LPP: variants seen among roughly 807,000 people sequenced by gnomAD.
LPP encodes the protein lipoma-preferred partner.
A neutral mutation model predicts 60.4 loss-of-function variants in LPP; 38 were observed. The ratio of observed to expected loss-of-function variants is 0.63; its 90% CI spans 0.49 to 0.83. LPP has a LOEUF of 0.83. LPP is among the 40% of genes least tolerant of loss of function. The pLI is 0.00. For synonymous variants in LPP, 328 were observed against 290.8 expected, an observed-to-expected ratio of 1.13 and a Z score of -1.30; for missense variants, 902 against 783.6, an observed-to-expected ratio of 1.15 and a Z score of -1.80.
chr3:188,369,087 A>G (rs1391252566), intron 3 of LPP, among the ~76,000 whole-genome samples: 2 of 151,894 alleles, frequency 1.3e-5, no homozygotes, highest in Non-Finnish European at 2.9e-5. Context: ...TCCCACCCCC[A>G]TTTACAGCTT....
chr3:188,859,807 G>A (rs1342363651), intron 9 of LPP, among the ~76,000 whole-genome samples: 3 of 152,128 alleles, frequency 2.0e-5, no homozygotes, highest in African/African-American at 7.2e-5. Context: ...TCAGGGGTAG[G>A]GGGGTGTGTC....
At chr3:188,213,961 AACAC>A (rs59389556) in intron 1 of LPP, among the ~76,000 whole-genome samples, 230 of 130,376 alleles carry the variant, frequency 1.8e-3, no homozygotes, top group Middle Eastern at 4.0e-3. Flanking sequence ...TTAGATTTTA[AACAC>A]ACACACACAC....
At chr3:188,447,347 C>G (rs1486916422) in intron 4 of LPP, among the ~76,000 whole-genome samples, 1 of 152,114 alleles carries the variant, frequency 6.6e-6, no homozygotes, top group Non-Finnish European at 1.5e-5. Context: ...CGTGGTGGCT[C>G]ACGCCTGTAA....
chr3:188,288,530 C>G (rs1226840691), intron 2 of LPP, among the ~76,000 whole-genome samples: 1 of 151,902 alleles, frequency 6.6e-6, no homozygotes, highest in Non-Finnish European at 1.5e-5. Context: ...CCCTTCACGT[C>G]GTTGTCCAGA....
chr3:188,443,412 G>A (rs915038099), intron 4 of LPP, among the ~76,000 whole-genome samples: 7 of 152,258 alleles, frequency 4.6e-5, no homozygotes, highest in African/African-American at 1.7e-4. Context: ...GGCCTGGCAG[G>A]GTTATCTTAC....
At chr3:188,380,728 G>T (rs577005170) in intron 3 of LPP, among the ~76,000 whole-genome samples, 3 of 152,184 alleles carry the variant, frequency 2.0e-5, no homozygotes, top group African/African-American at 7.2e-5. Flanking sequence ...ATCTTTAATT[G>T]TGTGGAGGTG....
chr3:188,753,273 G>T (rs1383349434), intron 8 of LPP, among the ~76,000 whole-genome samples: 1 of 152,128 alleles, frequency 6.6e-6, no homozygotes, highest in East Asian at 1.9e-4. Context: ...AGATAAAAAT[G>T]CACAATAATT....
At chr3:188,193,654 T>C (rs963263478) in intron 1 of LPP, among the ~76,000 whole-genome samples, 4 of 152,230 alleles carry the variant, frequency 2.6e-5, no homozygotes, top group African/African-American at 9.7e-5. Context: ...ACATGTGTGG[T>C]CTGGTGGACA....
At chr3:188,594,790 T>C (rs1331433284) in intron 6 of LPP, among the ~76,000 whole-genome samples, 2 of 152,170 alleles carry the variant, frequency 1.3e-5, no homozygotes, top group Admixed American at 6.5e-5. Flanking sequence ...TAAATATACA[T>C]GCTCATTTTA....
chr3:188,359,165 A>G (rs969080206), intron 3 of LPP, among the ~76,000 whole-genome samples: 5 of 152,342 alleles, frequency 3.3e-5, no homozygotes, highest in Admixed American at 2.6e-4. Context: ...AACACAGGTC[A>G]TCTCAGAGTA....
chr3:188,414,955 G>A (rs905949058), intron 4 of LPP, among the ~76,000 whole-genome samples: 2 of 152,082 alleles, frequency 1.3e-5, no homozygotes, highest in Non-Finnish European at 2.9e-5. Flanking sequence ...GGATGTTTTA[G>A]AACAAGGAGA....
intron 2 of LPP, among the ~76,000 whole-genome samples, chr3:188,321,173 C>T (rs1233147229): frequency 6.6e-6 from 1 of 152,176 alleles, no homozygotes; most frequent in Admixed American, 6.5e-5. Flanking sequence ...AACTTGGCTC[C>T]TTGTTTCCAA....
At chr3:188,816,101 A>G (rs971660154) in intron 9 of LPP, among the ~76,000 whole-genome samples, 1 of 152,166 alleles carries the variant, frequency 6.6e-6, no homozygotes, top group East Asian at 1.9e-4. Flanking sequence ...ATCAGAAACT[A>G]TAACTGATAA....
chr3:188,566,225 C>A (rs138656407), intron 6 of LPP, among the ~76,000 whole-genome samples: 73 of 152,062 alleles, frequency 4.8e-4, no homozygotes, highest in Non-Finnish European at 9.0e-4. Flanking sequence ...ACTTTGATTG[C>A]TGTTCCTAAT....
chr3:188,220,687 G>A (rs556410871), intron 1 of LPP, among the ~76,000 whole-genome samples: 1 of 152,312 alleles, frequency 6.6e-6, no homozygotes, highest in African/African-American at 2.4e-5. Context: ...GATTCAAGGA[G>A]TTGGGTGGGA....
chr3:188,540,479 A>AG (rs1824860742), intron 6 of LPP, among the ~76,000 whole-genome samples: 1 of 152,212 alleles, frequency 6.6e-6, no homozygotes, highest in Non-Finnish European at 1.5e-5. Context: ...TGCTCAGGAT[A>AG]ATTTGGAACT....
At chr3:188,410,289 C>T (rs755751602) in intron 4 of LPP, among the ~76,000 whole-genome samples, 3 of 152,218 alleles carry the variant, frequency 2.0e-5, no homozygotes, top group Non-Finnish European at 2.9e-5. Context: ...TTTCAACCCA[C>T]GTCTTTGCAT....
At chr3:188,314,213 CCT>C (rs1219910059) in intron 2 of LPP, among the ~76,000 whole-genome samples, 1 of 152,034 alleles carries the variant, frequency 6.6e-6, no homozygotes, top group Admixed American at 6.5e-5. Flanking sequence ...CATAATGTTC[CCT>C]GTTACTAGTG....
intron 9 of LPP, among the ~76,000 whole-genome samples, chr3:188,767,567 G>A (rs1038427883): frequency 1.3e-5 from 2 of 152,122 alleles, no homozygotes; most frequent in Non-Finnish European, 2.9e-5. Context: ...TCTATCTTCT[G>A]TCTAAATCTG....
Sources: allele counts gnomAD v4.1 joint callset (sites outside exome capture counted in the v4.1 genomes callset), GRCh38; gene constraint gnomAD v4.1.1; transcripts MANE v1.5; gene names NCBI Gene and HGNC (gene_info 2026-07-23, HGNC 2026-07-21).